The following TACC2 variants were observed in gnomAD, a reference collection of about 807,000 sequenced individuals.
TACC2 encodes transforming acidic coiled-coil-containing protein 2.
In TACC2, 137 loss-of-function variants were observed where a neutral mutation model predicts 227.3. That is an observed-to-expected ratio of 0.60 (90% CI 0.52 to 0.69). The LOEUF (loss-of-function observed/expected upper bound fraction) is 0.69. Ranked by LOEUF, TACC2 falls within the 30% of genes least tolerant of loss-of-function variation. TACC2 has a pLI of 0.00. For missense variants in TACC2, 3,470 were observed against 3,694.4 expected (o/e 0.94, Z 1.57); for synonymous variants, 1,523 against 1,487.5 (o/e 1.02, Z -0.55).
At chr10:122,152,831 T>A (rs899092998) in intron 7 of TACC2, among the ~76,000 whole-genome samples, 4 of 152,090 alleles carry the variant, frequency 2.6e-5, no homozygotes, top group Non-Finnish European at 4.4e-5. Context: ...GAGAAAAGGG[T>A]GGAGAGCAAC....
intron 3 of TACC2, among the ~76,000 whole-genome samples, chr10:122,055,658 T>A (rs1033955460): frequency 5.3e-5 from 8 of 152,192 alleles, no homozygotes; most frequent in Non-Finnish European, 1.0e-4. Context: ...CACACCCCCA[T>A]GACACGAGTT....
intron 2 of TACC2, among the ~76,000 whole-genome samples, chr10:122,027,768 G>C (rs1958231533): frequency 6.9e-6 from 1 of 145,852 alleles, no homozygotes; most frequent in African/African-American, 2.6e-5. Context: ...TTTTTTGACA[G>C]AGTCTCACTC....
chr10:122,250,856 T>C (rs1464140224), intron 22 of TACC2, among the ~76,000 whole-genome samples: 4 of 152,006 alleles, frequency 2.6e-5, no homozygotes, highest in African/African-American at 9.7e-5. Flanking sequence ...CTGTGCCCTA[T>C]TGGATGTTCC....
intron 2 of TACC2, among the ~76,000 whole-genome samples, chr10:122,040,421 A>G (rs192171772): frequency 1.3e-5 from 2 of 152,250 alleles, no homozygotes; most frequent in East Asian, 1.9e-4. Flanking sequence ...CTGTGGTGAA[A>G]TAAGGGCCAT....
chr10:122,107,885 T>TG (rs1200940327), intron 5 of TACC2, among the ~76,000 whole-genome samples: 1,619 of 46,248 alleles, frequency 0.035, 39 homozygotes, highest in African/African-American at 0.067. Flanking sequence ...TATATATTTT[T>TG]TTTTTCTTTT....
intron 5 of TACC2, among the ~76,000 whole-genome samples, chr10:122,093,592 C>A (rs1591915146): frequency 1.3e-5 from 2 of 152,198 alleles, no homozygotes; most frequent in East Asian, 3.8e-4. Context: ...TACAGCAATA[C>A]TCTTCTCAGA....
chr10:122,043,023 A>G (rs796298250), intron 2 of TACC2, among the ~76,000 whole-genome samples: 61 of 152,300 alleles, frequency 4.0e-4, no homozygotes, highest in African/African-American at 1.3e-3. Flanking sequence ...AGGCATTCCT[A>G]TCACCCACTG....
rs1957390514 is a variant in TACC2 at position 122,021,930 on chromosome 10, C to G, written c.-45-7C>G. 6.3e-7 allele frequency: 1 copy of G among 1,586,782 alleles called. No homozygotes were observed. The highest frequency in any genetic ancestry group is 2.2e-5 in the East Asian group (1 of 44,766). ...CACAGACGTTTATACCCTTTTGTTT[C>G]TTCCAGTCACCTCTGACAAAATTCT... On this transcript the variant is annotated splice_polypyrimidine_tract_variant and splice_region_variant and intron_variant, in intron 1 of 22. Transcript: ENST00000369005.
intron 1 of TACC2, among the ~76,000 whole-genome samples, chr10:122,007,187 T>C (rs1955285336): frequency 6.6e-6 from 1 of 152,144 alleles, no homozygotes; most frequent in Non-Finnish European, 1.5e-5. Flanking sequence ...TTTAATGTCG[T>C]TTATTAAATT....
intron 3 of TACC2, among the ~76,000 whole-genome samples, chr10:122,067,608 G>A (rs750997239): frequency 6.7e-6 from 1 of 149,756 alleles, no homozygotes; most frequent in Non-Finnish European, 1.5e-5. Flanking sequence ...CCAGGTTCAA[G>A]CAATTCTCCT....
At position 122,086,924 on chromosome 10, in the gene TACC2, A is replaced by G. The variant is rs2080152304; in HGVS notation, c.4424A>G (p.Lys1475Arg). 6 of 1,613,854 alleles carry G rather than the reference A, an allele frequency of 3.7e-6. No homozygotes were observed. Among genetic ancestry groups the G allele is most frequent in the African/African-American group, 1.3e-5 (1 of 74,932 alleles). Residue 1475 changes from lysine to arginine, a missense_variant, in exon 4 of 23, where the codon AAG becomes AGG. By Grantham distance (26) the Lys-to-Arg change is conservative. Coordinates refer to ENST00000369005, the MANE Select transcript of TACC2 (RefSeq NM_206862.4). The part of the protein sequence containing the change: ...APPARLQVEK[K>R]QQLAGEAEIS... ...CCTGCTCGACTCCAGGTGGAGAAGA[A>G]GCAACAGTTGGCTGGAGAGGCTGAG...
intron 5 of TACC2, among the ~76,000 whole-genome samples, chr10:122,111,523 G>A (rs201881120): frequency 2.6e-5 from 4 of 152,096 alleles, no homozygotes; most frequent in Admixed American, 6.6e-5. Context: ...ACGGAGTCTC[G>A]CTCTGTCGCC....
At chr10:122,196,922 C>T (rs1479673012) in intron 8 of TACC2, among the ~76,000 whole-genome samples, 3 of 113,780 alleles carry the variant, frequency 2.6e-5, no homozygotes, top group African/African-American at 6.9e-5. Flanking sequence ...GGTGACAGAG[C>T]GAGTCCGTCT....
intron 12 of TACC2, among the ~76,000 whole-genome samples, chr10:122,225,601 A>C (rs565957983): frequency 6.6e-6 from 1 of 152,218 alleles, no homozygotes; most frequent in Non-Finnish European, 1.5e-5. Context: ...GGCCATATAC[A>C]TAATACTGAG....
chr10:122,078,382 C>T (rs1446086819), intron 3 of TACC2, among the ~76,000 whole-genome samples: 1 of 152,006 alleles, frequency 6.6e-6, no homozygotes, highest in Non-Finnish European at 1.5e-5. Context: ...TTAAGCATTG[C>T]ATGTGTGTGT....
At chr10:122,130,226 C>T (rs1451689704) in intron 5 of TACC2, among the ~76,000 whole-genome samples, 1 of 152,112 alleles carries the variant, frequency 6.6e-6, no homozygotes, top group Non-Finnish European at 1.5e-5. Context: ...GAACTCCTGA[C>T]CTCAAGTGAT....
rs1226301817 is a variant in TACC2, at chr10:122,082,669, G to A, written c.169G>A (p.Gly57Ser). ...ASSIGSVGLG[G>S]FCTASESSAS... ...CAGCATTGGCAGCGTTGGGCTTGGA[G>A]GCTTCTGCACCGCTTCTGAGAGTTC... The change falls in exon 4 of 23, where the codon GGC becomes AGC. Residue 57 changes from glycine (G) to serine (S), a missense_variant. Gly to Ser is a moderately conservative substitution (Grantham distance 56). Transcript: ENST00000369005. The A allele has an allele frequency of 1.2e-6, 2 of 1,610,344 alleles. No homozygotes were observed. The highest frequency in any genetic ancestry group is 1.7e-6 in the Non-Finnish European group (2 of 1,177,904).
intron 1 of TACC2, among the ~76,000 whole-genome samples, chr10:122,021,205 G>A (rs916878443): frequency 2.0e-5 from 3 of 148,734 alleles, no homozygotes; most frequent in Non-Finnish European, 4.5e-5. Context: ...CTCTAGCCTG[G>A]GCGACAGAGT....
In TACC2 at chr10:122,096,405, G is replaced by A. The variant is rs1287148296; in HGVS notation, c.5573+7814G>A. Among the ~76,000 whole-genome samples, 6 of 152,278 alleles carry A rather than the reference G, an allele frequency of 3.9e-5. No individual in the cohort carries two copies. The South Asian group carries it at 1.2e-3, about 32-fold the overall frequency. ...CCCCGGTGGCCACACCTACAAGAGT[G>A]CCCCTTACCGGCCAGGCGCGGTGGC... On this transcript the variant is annotated intron_variant, in intron 5 of 22. Transcript: ENST00000369005.
Sources: gnomAD v4.1 joint callset for allele counts (sites outside exome capture counted in the v4.1 genomes callset) on GRCh38, gnomAD v4.1.1 for gene constraint, MANE v1.5 for transcripts, NCBI Gene and HGNC (gene_info 2026-07-23, HGNC 2026-07-21) for gene names.